TMEM131: variants seen among roughly 807,000 people sequenced by gnomAD.
TMEM131 encodes 2610524E03Rik.
Under a neutral mutation model 211.6 loss-of-function variants are expected in TMEM131, and 66 were observed. That is an observed-to-expected ratio of 0.31 (90% CI 0.26 to 0.38). The LOEUF is 0.38. Ranked by LOEUF, TMEM131 falls within the 10% of genes least tolerant of loss-of-function variation. The pLI is 1.00. For missense variants in TMEM131, 2,036 were observed against 2,299.3 expected (o/e 0.89, Z 2.34); for synonymous variants, 844 against 841.3 (o/e 1.00, Z -0.06).
At chr2:97,980,932 C>T (rs1287488239) in intron 1 of TMEM131, among the ~76,000 whole-genome samples, 1 of 145,440 alleles carries the variant, frequency 6.9e-6, no homozygotes, top group African/African-American at 2.6e-5. Context: ...ATGGAGATAG[C>T]ACAGGTTTTG....
intron 32 of TMEM131, among the ~76,000 whole-genome samples, chr2:97,774,585 A>G (rs564784744): frequency 4.6e-5 from 7 of 152,318 alleles, no homozygotes; most frequent in African/African-American, 1.7e-4. Flanking sequence ...CTGGGAACAC[A>G]GGAGGGAATG....
intron 4 of TMEM131, among the ~76,000 whole-genome samples, chr2:97,876,124 C>T (rs1320215473): frequency 6.6e-6 from 1 of 152,148 alleles, no homozygotes; most frequent in Non-Finnish European, 1.5e-5. Flanking sequence ...GGATAAATTC[C>T]TGGACACATA....
intron 4 of TMEM131, among the ~76,000 whole-genome samples, chr2:97,871,457 C>T (rs962305385): frequency 3.9e-5 from 6 of 152,282 alleles, no homozygotes; most frequent in African/African-American, 7.2e-5. Flanking sequence ...CTGAGATAAC[C>T]GGACATTGTC....
At chr2:97,832,423 G>A (rs1260097729) in intron 11 of TMEM131, among the ~76,000 whole-genome samples, 1 of 152,216 alleles carries the variant, frequency 6.6e-6, no homozygotes, top group Non-Finnish European at 1.5e-5. Flanking sequence ...GACAATGCCT[G>A]CATCCCGGTC....
At chr2:97,771,901 C>A (rs577927238) in intron 33 of TMEM131, among the ~76,000 whole-genome samples, 1 of 152,334 alleles carries the variant, frequency 6.6e-6, no homozygotes, top group African/African-American at 2.4e-5. Context: ...TAGATCCCAA[C>A]TGGGTTAACA....
At chr2:97,759,407 C>T (rs1472045881) in intron 39 of TMEM131, 1 of 534,172 alleles carries the variant, frequency 1.9e-6, no homozygotes, top group Non-Finnish European at 3.3e-6. Context: ...TGAAGCCCTT[C>T]AATACCCGCC....
At position 97,863,642 on chromosome 2, in the gene TMEM131, TA is replaced by T. The variant is rs796344525; in HGVS notation, c.360-4216del. On this transcript the variant is annotated intron_variant, in intron 4 of 40. Transcript: ENST00000186436. ...GACATACAAATGACAAAGAGGTATA[TA>T]AAAAATGCTCAATATGACTATCAGG... 2.6e-5 allele frequency among the ~76,000 whole-genome samples: 4 copies of T among 152,194 alleles called. No homozygotes were observed. In the South Asian group the frequency reaches 8.3e-4, roughly 32 times the overall value.
intron 1 of TMEM131, among the ~76,000 whole-genome samples, chr2:97,991,073 T>C (rs1680242705): frequency 6.6e-6 from 1 of 152,254 alleles, no homozygotes; most frequent in East Asian, 1.9e-4. Context: ...TTATAATAAA[T>C]TAAATGCCTT....
intron 5 of TMEM131, among the ~76,000 whole-genome samples, chr2:97,856,266 T>C (rs895355751): frequency 3.3e-5 from 5 of 152,120 alleles, no homozygotes; most frequent in African/African-American, 7.2e-5. Flanking sequence ...TTACATAATT[T>C]TGAATTATAA....
intron 26 of TMEM131, 82 bp downstream of exon 26, chr2:97,797,283 G>C: frequency 1.6e-6 from 2 of 1,279,218 alleles, no homozygotes; most frequent in South Asian, 2.9e-5. Flanking sequence ...TCATAAGTTA[G>C]ACATGCAAAT....
intron 3 of TMEM131, among the ~76,000 whole-genome samples, chr2:97,896,467 G>C (rs1675615656): frequency 6.6e-6 from 1 of 152,128 alleles, no homozygotes; most frequent in Non-Finnish European, 1.5e-5. Context: ...GGATGTTAAA[G>C]TCTCCCACTA....
intron 8 of TMEM131, 72 bp from the exon 9 acceptor site, chr2:97,834,997 G>A: frequency 1.3e-6 from 2 of 1,513,950 alleles, no homozygotes; most frequent in Non-Finnish European, 1.8e-6. Context: ...TTATTGAACT[G>A]GATGACACTG....
Position 97,809,688 on chromosome 2 carries a change from T to C in TMEM131, c.2055A>G (p.Pro685=), listed in dbSNP as rs1479152879. Residue 685 remains proline, a splice_region_variant and synonymous_variant, in exon 19 of 41, where the codon CCA becomes CCG. Coordinates refer to ENST00000186436, the MANE Select transcript of TMEM131 (RefSeq NM_015348.2). Reference sequence around the variant, plus strand: ...AAAATGTGTGTATTAATGGTCTTACTGGAAAGGAAGGTGGAAGAACCACGT... The same window carrying C: ...AAAATGTGTGTATTAATGGTCTTACCGGAAAGGAAGGTGGAAGAACCACGT... ...PKHVVLPPSF[P]GKIVHQSLNI... 6.2e-7 allele frequency: 1 copy of C among 1,609,126 alleles called. No individual in the cohort carries two copies.
At chr2:97,933,108 T>C (rs1677300439) in intron 1 of TMEM131, among the ~76,000 whole-genome samples, 1 of 152,188 alleles carries the variant, frequency 6.6e-6, no homozygotes, top group Admixed American at 6.5e-5. Context: ...CTATACCACC[T>C]AGGTTTGTGT....
At chr2:97,777,392 G>A (rs550131219) in intron 31 of TMEM131, among the ~76,000 whole-genome samples, 1 of 152,258 alleles carries the variant, frequency 6.6e-6, no homozygotes, top group Admixed American at 6.5e-5. Context: ...TGTTTAAAAC[G>A]GGTTGGCAAA....
intron 4 of TMEM131, among the ~76,000 whole-genome samples, chr2:97,877,230 T>C (rs972829254): frequency 5.3e-5 from 8 of 152,088 alleles, no homozygotes; most frequent in Non-Finnish European, 8.8e-5. Flanking sequence ...GGAAAAACAT[T>C]CCATGCTCAT....
chr2:97,972,634 T>C (rs964826886), intron 1 of TMEM131, among the ~76,000 whole-genome samples: 13 of 152,148 alleles, frequency 8.5e-5, no homozygotes, highest in East Asian at 1.9e-4. Flanking sequence ...CTTGTGAATA[T>C]GCCAAATCAC....
chr2:97,776,558 T>C (rs183134120), intron 31 of TMEM131, among the ~76,000 whole-genome samples: 11 of 152,332 alleles, frequency 7.2e-5, no homozygotes, highest in Non-Finnish European at 2.9e-5. Flanking sequence ...AACACACCCA[T>C]TTTAAGGGTA....
At chr2:97,760,536 C>T in intron 38 of TMEM131, 57 bp downstream of exon 38, 1 of 1,509,268 alleles carries the variant, frequency 6.6e-7, no homozygotes, top group Non-Finnish European at 9.0e-7. Flanking sequence ...TAAAAAGGTG[C>T]TAACCCGACT....
Sources: gnomAD v4.1 joint callset for allele counts (sites outside exome capture counted in the v4.1 genomes callset) on GRCh38, gnomAD v4.1.1 for gene constraint, MANE v1.5 for transcripts, NCBI Gene and HGNC (gene_info 2026-07-23, HGNC 2026-07-21) for gene names.